The following ATP12A variants were observed in gnomAD, a reference collection of about 807,000 sequenced individuals.
ATP12A encodes potassium-transporting ATPase alpha chain 2.
ATP12A carries 81 observed loss-of-function variants against 111.2 expected under a neutral mutation model. The observed-to-expected ratio is 0.73, with a 90% CI of 0.61 to 0.88. The LOEUF (loss-of-function observed/expected upper bound fraction) is 0.88. ATP12A is among the 40% of genes least tolerant of loss of function. ATP12A has a pLI of 0.00. For synonymous variants in ATP12A, 498 were observed against 499.8 expected (o/e 1.00, Z 0.05); for missense variants, 1,196 against 1,313.1 (o/e 0.91, Z 1.38).
Position 24,710,584 on chromosome 13 carries a change from G to A in ATP12A, c.2888G>A (p.Gly963Asp), listed in dbSNP as rs760853409. The change falls in exon 20 of 23, where the codon GGT becomes GAT. Residue 963 changes from glycine to aspartate, a missense_variant. By Grantham distance (94) the Gly-to-Asp change is moderately conservative. Transcript: ENST00000381946. Reference protein sequence around the residue: ...KTRRNSIFQQGLFRNKVIWVG... With the variant: ...KTRRNSIFQQDLFRNKVIWVG... ...CGGAGGAATTCCATCTTCCAGCAGG[G>A]TCTCTTCAGGTACTGCCTGTGCCCG... 9.9e-6 allele frequency: 16 copies of A among 1,614,034 alleles called. No individual in the cohort carries two copies. Among genetic ancestry groups the A allele is most frequent in the Non-Finnish European group, 1.1e-5 (13 of 1,180,046 alleles).
rs1211372051 is a variant in ATP12A, at chr13:24,685,766, T to C, written c.228+393T>C. ...AAGGGGCCAGAGCCAGCTCTCGGGCTGCTGCCATGTTTGCGCTGGGACTCA... is the reference window on the plus strand; with the variant it reads ...AAGGGGCCAGAGCCAGCTCTCGGGCCGCTGCCATGTTTGCGCTGGGACTCA... On this transcript the variant is annotated intron_variant, in intron 3 of 22. Transcript: ENST00000381946. The surrounding 1 kb of genome is among the most constrained non-coding windows in gnomAD (Gnocchi z 5.5). Among the ~76,000 whole-genome samples, 6 of 152,238 alleles carry C rather than the reference T, an allele frequency of 3.9e-5. No individual in the cohort carries two copies. Among genetic ancestry groups the C allele is most frequent in the African/African-American group, 1.4e-4 (6 of 41,474 alleles).
chr13:24,700,477 T>C (rs919823664), intron 12 of ATP12A, among the ~76,000 whole-genome samples: 8 of 152,170 alleles, frequency 5.3e-5, no homozygotes, highest in African/African-American at 1.9e-4. Context: ...ACTTCAGAAG[T>C]CGAGACTGTG....
At chr13:24,681,772 G>C (rs750048420) in intron 2 of ATP12A, 52 bp downstream of exon 2, 1 of 1,608,356 alleles carries the variant, frequency 6.2e-7, no homozygotes, top group Admixed American at 1.7e-5. Context: ...TTCCCCGCAA[G>C]AGCTTGCCCC....
At chr13:24,681,098 G>GC (rs1170996861) in intron 1 of ATP12A, among the ~76,000 whole-genome samples, 1 of 152,172 alleles carries the variant, frequency 6.6e-6, no homozygotes, top group Non-Finnish European at 1.5e-5. Flanking sequence ...TCCGGTTAGG[G>GC]CCCCCTGATC....
chr13:24,689,433 G>C, intron 5 of ATP12A, 58 bp downstream of exon 5: 12 of 1,446,816 alleles, frequency 8.3e-6, no homozygotes, highest in Non-Finnish European at 1.1e-5. Context: ...GGAAGCCTCA[G>C]CTGGGAGGGG....
At chr13:24,690,886 C>T in intron 7 of ATP12A, 96 bp from the exon 8 acceptor site, 2 of 1,528,082 alleles carry the variant, frequency 1.3e-6, no homozygotes, top group Non-Finnish European at 1.8e-6. Flanking sequence ...TGTGGTGTGC[C>T]TATCGATTGT....
intron 12 of ATP12A, among the ~76,000 whole-genome samples, chr13:24,699,176 G>A (rs893480195): frequency 6.6e-6 from 1 of 152,182 alleles, no homozygotes; most frequent in South Asian, 2.1e-4. Flanking sequence ...GAGGCAGAAC[G>A]GCGTGGGGCA....
chr13:24,711,790 G>A lies in ATP12A; in HGVS notation c.*268G>A, dbSNP rs985760094. ...TCGAGGTAATGGTATAGGGAAGAAT[G>A]TGTTTATGTGTATTTGAAACTCCTT... On this transcript the variant is annotated 3_prime_UTR_variant, in exon 23 of 23. Coordinates refer to ENST00000381946, the MANE Select transcript of ATP12A (RefSeq NM_001676.7). 5.7e-6 allele frequency: 3 copies of A among 529,548 alleles called. No individual in the cohort carries two copies. In the African/African-American group the frequency reaches 5.7e-5, roughly 10 times the overall value. 32.8% of individuals were successfully genotyped at this position (529,548 alleles called of 1,614,324 possible).
intron 2 of ATP12A, among the ~76,000 whole-genome samples, chr13:24,684,483 G>A (rs914197444): frequency 6.6e-6 from 1 of 152,190 alleles, no homozygotes; most frequent in Non-Finnish European, 1.5e-5. Context: ...TTTCTAGGGG[G>A]AGTGAGGAAG....
At chr13:24,689,212 G>T in intron 4 of ATP12A, 50 bp from the exon 5 acceptor site, 2 of 1,495,252 alleles carry the variant, frequency 1.3e-6, no homozygotes, top group Admixed American at 1.7e-5. Flanking sequence ...CCAGGGCCCG[G>T]CTGCTTCCCA....
At chr13:24,700,052 G>A (rs1173683458) in intron 12 of ATP12A, among the ~76,000 whole-genome samples, 2 of 152,218 alleles carry the variant, frequency 1.3e-5, no homozygotes, top group Non-Finnish European at 2.9e-5. Context: ...TTGCAAAGCA[G>A]TGGGCCAGGC....
In ATP12A at chr13:24,685,479, G is replaced by C; in HGVS notation, c.228+106G>C. ...TGGAAGAGTAGCGGCACCTTTAGGAGGAGGGGCCCCTGCAGCGCCTTTGAG... is the reference window on the plus strand; with the variant it reads ...TGGAAGAGTAGCGGCACCTTTAGGACGAGGGGCCCCTGCAGCGCCTTTGAG... On this transcript the variant is annotated intron_variant, in intron 3 of 22. Coordinates refer to ENST00000381946, the MANE Select transcript of ATP12A (RefSeq NM_001676.7). The surrounding 1 kb of genome is among the most constrained non-coding windows in gnomAD (Gnocchi z 5.5). 1 of 1,217,996 alleles carries C rather than the reference G, an allele frequency of 8.2e-7. No homozygotes were observed. The allele number at this position is 1,217,996 out of a possible 1,614,324, so 75.4% of individuals were successfully genotyped here.
intron 11 of ATP12A, among the ~76,000 whole-genome samples, chr13:24,695,429 C>T (rs1287716953): frequency 6.6e-6 from 1 of 152,064 alleles, no homozygotes; most frequent in Non-Finnish European, 1.5e-5. Context: ...AGTTGGGAGC[C>T]CCAGGTCCCC....
intron 11 of ATP12A, among the ~76,000 whole-genome samples, chr13:24,697,658 A>ATT (rs1270849951): frequency 7.0e-6 from 1 of 143,130 alleles, no homozygotes; most frequent in African/African-American, 2.6e-5. Flanking sequence ...AAAAAAAAAA[A>ATT]TTTAAGAGAG....
At chr13:24,701,685 A>C (rs1351356644) in intron 13 of ATP12A, among the ~76,000 whole-genome samples, 1 of 152,214 alleles carries the variant, frequency 6.6e-6, no homozygotes, top group Non-Finnish European at 1.5e-5. Context: ...TTTCACAAAT[A>C]AAGTGGCATC....
At chr13:24,681,785 G>A in intron 2 of ATP12A, 65 bp downstream of exon 2, 1 of 1,585,428 alleles carries the variant, frequency 6.3e-7, no homozygotes, top group South Asian at 1.1e-5. Context: ...CTTGCCCCTA[G>A]AACCCACCTC....
At chr13:24,683,443 G>A (rs1207166379) in intron 2 of ATP12A, among the ~76,000 whole-genome samples, 1 of 152,208 alleles carries the variant, frequency 6.6e-6, no homozygotes, top group Non-Finnish European at 1.5e-5. Flanking sequence ...AGAGCCATTT[G>A]TTAAGTATTC....
At chr13:24,689,771 C>G (rs1039817946) in intron 5 of ATP12A, among the ~76,000 whole-genome samples, 1 of 152,130 alleles carries the variant, frequency 6.6e-6, no homozygotes, top group Non-Finnish European at 1.5e-5. Flanking sequence ...GCCCAGTGCT[C>G]CCTTCTTCCC....
intron 9 of ATP12A, 44 bp downstream of exon 9, chr13:24,692,671 C>T: frequency 1.3e-6 from 2 of 1,599,550 alleles, no homozygotes; most frequent in African/African-American, 1.3e-5. Context: ...CTGTGGACTC[C>T]ATCCTGGGGC....
Sources: allele counts gnomAD v4.1 joint callset (sites outside exome capture counted in the v4.1 genomes callset), GRCh38; gene constraint gnomAD v4.1.1; non-coding constraint Gnocchi (gnomAD v3.1); transcripts MANE v1.5; gene names NCBI Gene and HGNC (gene_info 2026-07-23, HGNC 2026-07-21).